Variants in PTPRN2 observed in about 807,000 individuals in gnomAD.
The protein encoded by PTPRN2 is protein tyrosine phosphatase receptor type N2, also known as receptor-type tyrosine-protein phosphatase N2.
In PTPRN2, 74 loss-of-function variants were observed where a neutral mutation model predicts 118.8. The ratio of observed to expected loss-of-function variants is 0.62; its 90% CI spans 0.52 to 0.76. The LOEUF (loss-of-function observed/expected upper bound fraction) is 0.76, where lower values mean the gene tolerates loss of function less well. Among genes scored for constraint, PTPRN2 ranks in the 30% least tolerant of loss-of-function variants. The probability of loss-of-function intolerance (pLI) is 0.00; values close to 1 mark genes in which losing one functional copy is unlikely to be tolerated. For synonymous variants in PTPRN2, 641 were observed against 608.0 expected, an observed-to-expected ratio of 1.05 and a Z score of -0.80; for missense variants, 1,481 against 1,394.4, an observed-to-expected ratio of 1.06 and a Z score of -0.99.
intron 2 of PTPRN2, among the ~76,000 whole-genome samples, chr7:158,436,596 A>C (rs1246599464): frequency 6.6e-6 from 1 of 150,966 alleles, no homozygotes; most frequent in Non-Finnish European, 1.5e-5. Flanking sequence ...TCTTTTCCTA[A>C]GAGTCATCTG....
At chr7:157,694,062 T>C (rs1797654390) in intron 12 of PTPRN2, among the ~76,000 whole-genome samples, 1 of 152,288 alleles carries the variant, frequency 6.6e-6, no homozygotes, top group Non-Finnish European at 1.5e-5. Flanking sequence ...GGTTTTGCTT[T>C]CTTCACAGAC....
At chr7:158,124,853 C>T (rs1046510853) in intron 9 of PTPRN2, among the ~76,000 whole-genome samples, 2 of 152,196 alleles carry the variant, frequency 1.3e-5, no homozygotes, top group African/African-American at 2.4e-5. Context: ...GAGAGGGTGA[C>T]GGGGCCAGAT....
intron 3 of PTPRN2, among the ~76,000 whole-genome samples, chr7:158,230,120 G>GA (rs1452927344): frequency 6.6e-6 from 1 of 152,084 alleles, no homozygotes; most frequent in Non-Finnish European, 1.5e-5. Context: ...AGAAAAAAAT[G>GA]AAAAACCTGT....
At chr7:158,499,841 G>GTA (rs571445618) in intron 1 of PTPRN2, among the ~76,000 whole-genome samples, 1 of 117,400 alleles carries the variant, frequency 8.5e-6, no homozygotes, top group East Asian at 3.5e-4. Flanking sequence ...TCCAGTGTGT[G>GTA]TATGTGTGTG....
At chr7:158,189,880 A>G (rs2150696381) in intron 5 of PTPRN2, among the ~76,000 whole-genome samples, 1 of 152,284 alleles carries the variant, frequency 6.6e-6, no homozygotes, top group African/African-American at 2.4e-5. Flanking sequence ...TCAGAGCTGG[A>G]GGTGCTAAAT....
intron 12 of PTPRN2, among the ~76,000 whole-genome samples, chr7:157,757,575 C>G (rs1476726298): frequency 6.6e-6 from 1 of 151,556 alleles, no homozygotes; most frequent in East Asian, 1.9e-4. Context: ...GATGCAAGCA[C>G]TTGGCAGTTA....
At chr7:158,455,137 C>A (rs1818372013) in intron 2 of PTPRN2, among the ~76,000 whole-genome samples, 1 of 152,262 alleles carries the variant, frequency 6.6e-6, no homozygotes, top group Non-Finnish European at 1.5e-5. Flanking sequence ...GCACAGTAAG[C>A]TTTTCACTTA....
intron 17 of PTPRN2, among the ~76,000 whole-genome samples, chr7:157,579,885 A>T (rs963598529): frequency 1.3e-5 from 2 of 152,246 alleles, no homozygotes; most frequent in Non-Finnish European, 2.9e-5. Flanking sequence ...TGATTACATT[A>T]TCTTGTGTTC....
At chr7:157,754,713 T>C (rs778647986) in intron 12 of PTPRN2, among the ~76,000 whole-genome samples, 6 of 152,234 alleles carry the variant, frequency 3.9e-5, no homozygotes, top group Non-Finnish European at 8.8e-5. Flanking sequence ...CTACTTGGCA[T>C]GCGTGTTTTC....
At chr7:157,541,382 C>A (rs1178605559) in intron 22 of PTPRN2, among the ~76,000 whole-genome samples, 1 of 152,246 alleles carries the variant, frequency 6.6e-6, no homozygotes, top group Non-Finnish European at 1.5e-5. Context: ...GCGTCCACAG[C>A]CACTTGGGCA....
chr7:158,407,536 G>C (rs796144220), intron 2 of PTPRN2, among the ~76,000 whole-genome samples: 1 of 9,302 alleles, frequency 1.1e-4, no homozygotes. Context: ...CTGCGTCCTG[G>C]GTCCTGCGTC....
intron 2 of PTPRN2, among the ~76,000 whole-genome samples, chr7:158,318,684 C>T (rs190149162): frequency 6.6e-6 from 1 of 152,348 alleles, no homozygotes; most frequent in Non-Finnish European, 1.5e-5. Context: ...CTCGGCCGGC[C>T]CCAGAGCAGT....
intron 2 of PTPRN2, among the ~76,000 whole-genome samples, chr7:158,356,511 T>C (rs1808395387): frequency 6.6e-6 from 1 of 152,126 alleles, no homozygotes; most frequent in African/African-American, 2.4e-5. Context: ...TTGAACATAA[T>C]CAAAAACAAC....
At chr7:158,074,617 G>A (rs913657624) in intron 11 of PTPRN2, among the ~76,000 whole-genome samples, 3 of 152,176 alleles carry the variant, frequency 2.0e-5, no homozygotes, top group East Asian at 1.9e-4. Flanking sequence ...ACGTGCCGAC[G>A]TGGCTCCCGA....
rs1480932233 is a variant in PTPRN2, at chr7:158,570,540, G to A, written c.112+17018C>T. ...CGTGGTGGGTCCCGATCCCCCGGCC[G>A]GCTCTGCCACTGAAGCCTCTCCCTG... On this transcript the variant is annotated intron_variant, in intron 1 of 22. Transcript: ENST00000389418. This position sits in a 1 kb window ranked among gnomAD's most constrained non-coding sequence, Gnocchi z 4.5. 6.6e-6 allele frequency among the ~76,000 whole-genome samples: 1 copy of A among 152,050 alleles called. No homozygotes were observed. Among genetic ancestry groups the A allele is most frequent in the Non-Finnish European group, 1.5e-5 (1 of 68,020 alleles).
At chr7:157,962,336 C>T (rs79135286) in intron 11 of PTPRN2, among the ~76,000 whole-genome samples, 202 of 147,504 alleles carry the variant, frequency 1.4e-3, no homozygotes, top group South Asian at 2.7e-3. Flanking sequence ...ATTCCACCAG[C>T]GGGAGCGTTA....
intron 11 of PTPRN2, among the ~76,000 whole-genome samples, chr7:157,991,521 C>T (rs1804249285): frequency 6.6e-6 from 1 of 152,190 alleles, no homozygotes; most frequent in South Asian, 2.1e-4. Flanking sequence ...GCTGCCCGTG[C>T]AGGGCACAGA....
chr7:157,928,476 A>G (rs1174379449), intron 11 of PTPRN2, among the ~76,000 whole-genome samples: 1 of 152,108 alleles, frequency 6.6e-6, no homozygotes, highest in East Asian at 1.9e-4. Context: ...TGGACCTGCT[A>G]TTCAGGAAAG....
chr7:158,292,476 T>C (rs1800185958), intron 3 of PTPRN2, among the ~76,000 whole-genome samples: 1 of 152,244 alleles, frequency 6.6e-6, no homozygotes, highest in Non-Finnish European at 1.5e-5. Context: ...CATTCACAGG[T>C]AAGCCATGTA....
Sources: allele counts gnomAD v4.1 joint callset (sites outside exome capture counted in the v4.1 genomes callset), GRCh38; gene constraint gnomAD v4.1.1; non-coding constraint Gnocchi (gnomAD v3.1); transcripts MANE v1.5; gene names NCBI Gene and HGNC (gene_info 2026-07-23, HGNC 2026-07-21).